The following RSPH1 variants were observed in gnomAD, a reference collection of about 807,000 sequenced individuals.
RSPH1 encodes radial spoke head component 1, also known as radial spoke head 1 homolog.
Under a neutral mutation model 44.2 loss-of-function variants are expected in RSPH1, and 32 were observed. The observed-to-expected ratio is 0.72, with a 90% confidence interval of 0.55 to 0.97. The LOEUF is 0.97. Among genes scored for constraint, RSPH1 ranks in the 50% least tolerant of loss-of-function variants. The pLI is 0.00. For synonymous variants in RSPH1, 134 were observed against 147.3 expected, an observed-to-expected ratio of 0.91 and a Z score of 0.65; for missense variants, 391 against 398.7, an observed-to-expected ratio of 0.98 and a Z score of 0.16.
chr21:42,486,670 C>T (rs1250273820), intron 3 of RSPH1, among the ~76,000 whole-genome samples: 3 of 152,186 alleles, frequency 2.0e-5, no homozygotes, highest in Non-Finnish European at 2.9e-5. Context: ...TCCACTCTGA[C>T]ATCCCTCCAC....
chr21:42,483,370 G>A (rs117052879), intron 5 of RSPH1, among the ~76,000 whole-genome samples: 5,864 of 151,918 alleles, frequency 0.039, 149 homozygotes, highest in Middle Eastern at 0.088. Flanking sequence ...ATTAGATGAG[G>A]CTCTAATCGT....
At chr21:42,476,324 C>T (rs1210959717) in intron 7 of RSPH1, among the ~76,000 whole-genome samples, 1 of 151,746 alleles carries the variant, frequency 6.6e-6, no homozygotes, top group East Asian at 1.9e-4. Context: ...AAAGAGAAGT[C>T]CCCTGGGGTT....
At position 42,472,732 on chromosome 21, in the gene RSPH1, T is replaced by C; in HGVS notation, c.*86A>G. 9.9e-7 allele frequency: 1 copy of C among 1,009,248 alleles called. No homozygotes were observed. The highest frequency in any genetic ancestry group is 1.5e-6 in the Non-Finnish European group (1 of 664,582). The allele number at this position is 1,009,248 out of a possible 1,614,324, so 62.5% of individuals were successfully genotyped here. ...AATCCTCCTGCCTCAGCCTCTCAAG[T>C]AGCTGGAACTAGATACACACAGCAC... On this transcript the variant is annotated 3_prime_UTR_variant, in exon 9 of 9. Transcript: ENST00000291536.
At chr21:42,481,112 G>A (rs980808457) in intron 6 of RSPH1, among the ~76,000 whole-genome samples, 1 of 152,086 alleles carries the variant, frequency 6.6e-6, no homozygotes, top group African/African-American at 2.4e-5. Context: ...TTTGGGTCAC[G>A]GGGGCAGATC....
rs759997162 is a variant in RSPH1, at chr21:42,486,157, G to A, written c.365+214C>T. 2.7e-5 allele frequency: 16 copies of A among 584,128 alleles called. No homozygotes were observed. The Admixed American group carries it at 4.7e-4, about 17-fold the overall frequency. 36.2% of individuals were successfully genotyped at this position (584,128 alleles called of 1,614,324 possible). On this transcript the variant is annotated intron_variant, in intron 4 of 8. Transcript: ENST00000291536. Reference sequence around the variant, plus strand: ...CTTGGGTGAAAGACTCACGTGCTCTGCCCCAACTGAGGTGCAGATGTCAGA... The same window carrying A: ...CTTGGGTGAAAGACTCACGTGCTCTACCCCAACTGAGGTGCAGATGTCAGA...
chr21:42,492,198 C>G (rs2146663645), intron 3 of RSPH1, among the ~76,000 whole-genome samples: 1 of 152,308 alleles, frequency 6.6e-6, no homozygotes, highest in South Asian at 2.1e-4. Context: ...GACAACGGCA[C>G]AAGGGGCGGC....
chr21:42,489,000 G>GTTGGTTGGTTGT (rs767207329), intron 3 of RSPH1, among the ~76,000 whole-genome samples: 59 of 152,094 alleles, frequency 3.9e-4, no homozygotes, highest in Non-Finnish European at 7.4e-4. Context: ...TGGTTGGTTG[G>GTTGGTTGGTTGT]TTGGTTGGTT....
At position 42,490,193 on chromosome 21, in the gene RSPH1, G is replaced by A. The variant is rs532124891; in HGVS notation, c.274+2565C>T. ...CTGTATCCAAGTCACCCGCCACCCA[G>A]GACCGTCTCCCCACTCCTCTCCTGC... On this transcript the variant is annotated intron_variant, in intron 3 of 8. Coordinates refer to ENST00000291536, the MANE Select transcript of RSPH1 (RefSeq NM_080860.4). Among the ~76,000 whole-genome samples, 18 of 148,602 alleles carry A rather than the reference G, an allele frequency of 1.2e-4. No homozygotes were observed. In the South Asian group the frequency reaches 3.5e-3, roughly 29 times the overall value.
intron 6 of RSPH1, among the ~76,000 whole-genome samples, chr21:42,479,273 C>T (rs1212871130): frequency 6.6e-6 from 1 of 152,206 alleles, no homozygotes; most frequent in Non-Finnish European, 1.5e-5. Context: ...TAATCCATCC[C>T]CACAGCACAG....
intron 6 of RSPH1, among the ~76,000 whole-genome samples, chr21:42,481,088 CCTGGTGGG>C (rs1413174232): frequency 6.6e-6 from 1 of 152,012 alleles, no homozygotes; most frequent in Admixed American, 6.6e-5. Context: ...GGAGGTGGGG[CCTGGTGGG>C]AGGTGTTTGG....
intron 1 of RSPH1, 36 bp downstream of exon 1, chr21:42,496,097 C>T: frequency 6.2e-7 from 1 of 1,613,146 alleles, no homozygotes; most frequent in Non-Finnish European, 8.5e-7. Context: ...CGCCGCTGCG[C>T]ACCCTGGGAA....
chr21:42,474,812 G>A lies in RSPH1; in HGVS notation c.877+1086C>T, dbSNP rs1470908699. 6.7e-6 allele frequency among the ~76,000 whole-genome samples: 1 copy of A among 148,904 alleles called. No homozygotes were observed. Among genetic ancestry groups the A allele is most frequent in the Non-Finnish European group, 1.5e-5 (1 of 67,988 alleles). ...CACGAAAGTCTATGCCAGCGCTCAG[G>A]GGAATTACCGATCACGAAAGTCTAT... is the stretch of plus-strand genomic sequence containing the variant. On this transcript the variant is annotated intron_variant, in intron 8 of 8. Transcript: ENST00000291536. The surrounding 1 kb of genome is among the most constrained non-coding windows in gnomAD (Gnocchi z 5.2).
chr21:42,485,715 A>G lies in RSPH1; in HGVS notation c.455T>C (p.Leu152Pro). 1 of 1,614,196 alleles carries G rather than the reference A, an allele frequency of 6.2e-7. No homozygotes were observed. The highest frequency in any genetic ancestry group is 8.5e-7 in the Non-Finnish European group (1 of 1,180,038). The part of the protein sequence containing the change: ...VNGQQEGTAE[L>P]IHLNHRYQGK... The stretch of plus-strand genomic sequence containing the variant: ...CTGGTACCTGTGGTTCAGGTGAATG[A>G]GCTCGGCCGTGCCCTCCTGCTGTCC... The change falls in exon 5 of 9, where the codon CTC becomes CCC. Residue 152 changes from leucine to proline, a missense_variant. Coordinates refer to ENST00000291536, the MANE Select transcript of RSPH1 (RefSeq NM_080860.4).
At chr21:42,476,277 A>G (rs1317259596) in intron 7 of RSPH1, among the ~76,000 whole-genome samples, 1 of 152,028 alleles carries the variant, frequency 6.6e-6, no homozygotes. Flanking sequence ...GTAGTCTGAT[A>G]ACTTTCATTC....
At position 42,486,421 on chromosome 21, in the gene RSPH1, GTA is replaced by G; in HGVS notation, c.313_314del (p.Tyr105LeufsTer5). On this transcript the variant is annotated frameshift_variant, in exon 4 of 9. Coordinates refer to ENST00000291536, the MANE Select transcript of RSPH1 (RefSeq NM_080860.4). LOFTEE classifies it high-confidence loss of function. ...TGTAGGTGTCATTATTGATGTAGTA[GTA>G]TACGCCATGGCCGTGCCGCAGGTCA... ...ANDLRHGHGVYYYINNDTYTG... is the reference protein window; with the variant it reads ...ANDLRHGHGVXYYINNDTYTG... 1 of 1,614,066 alleles carries G rather than the reference GTA, an allele frequency of 6.2e-7. No homozygotes were observed. Among genetic ancestry groups the G allele is most frequent in the Non-Finnish European group, 8.5e-7 (1 of 1,179,940 alleles).
chr21:42,490,313 C>A (rs1447985266), intron 3 of RSPH1, among the ~76,000 whole-genome samples: 1 of 152,210 alleles, frequency 6.6e-6, no homozygotes, highest in African/African-American at 2.4e-5. Flanking sequence ...GCCACAGGGT[C>A]CTGACGTTGA....
Position 42,475,003 on chromosome 21 carries a change from G to C in RSPH1, c.877+895C>G, listed in dbSNP as rs553671337. Among the ~76,000 whole-genome samples, 5 of 152,350 alleles carry C rather than the reference G, an allele frequency of 3.3e-5. No individual in the cohort carries two copies. The South Asian group carries it at 8.3e-4, about 25-fold the overall frequency. On this transcript the variant is annotated intron_variant, in intron 8 of 8. Transcript: ENST00000291536. ...GGCCGCCGTGCCCAGGCTGTTCCCA[G>C]ATGGCCCTTTCCCTCACAAGCACGA... is the stretch of plus-strand genomic sequence containing the variant.
chr21:42,473,537 G>T (rs1030483727), intron 8 of RSPH1, among the ~76,000 whole-genome samples: 4 of 148,942 alleles, frequency 2.7e-5, no homozygotes. Context: ...CTTATAAGAC[G>T]CTATATTTAA....
rs1053954897 is a variant in RSPH1 at position 42,490,709 on chromosome 21, G to A, written c.274+2049C>T. 2.6e-5 allele frequency among the ~76,000 whole-genome samples: 4 copies of A among 152,132 alleles called. No individual in the cohort carries two copies. The East Asian group carries it at 5.8e-4, about 22-fold the overall frequency. On this transcript the variant is annotated intron_variant, in intron 3 of 8. Transcript: ENST00000291536. Reference sequence around the variant, plus strand: ...GCTCCTAAAACCCTTGACATTTCCTGACTGATAGAAATGTTTTTGTTATTC... The same window carrying A: ...GCTCCTAAAACCCTTGACATTTCCTAACTGATAGAAATGTTTTTGTTATTC...
Sources: gnomAD v4.1 joint callset for allele counts (sites outside exome capture counted in the v4.1 genomes callset) on GRCh38, gnomAD v4.1.1 for gene constraint, Gnocchi (gnomAD v3.1) non-coding constraint, MANE v1.5 for transcripts, NCBI Gene and HGNC (gene_info 2026-07-23, HGNC 2026-07-21) for gene names.